The following CTNNA3 variants were observed in gnomAD, a reference collection of about 807,000 sequenced individuals.
CTNNA3 encodes the protein catenin alpha-3.
Under a neutral mutation model 95.7 loss-of-function variants are expected in CTNNA3, and 76 were observed. The ratio of observed to expected loss-of-function variants is 0.79; its 90% confidence interval spans 0.66 to 0.96. The LOEUF (loss-of-function observed/expected upper bound fraction) is 0.96. Among genes scored for constraint, CTNNA3 ranks in the 40% least tolerant of loss-of-function variants. The pLI, the probability that CTNNA3 is intolerant of heterozygous loss-of-function variation, is 0.00. For synonymous variants in CTNNA3, 431 were observed against 374.4 expected, an observed-to-expected ratio of 1.15 and a Z score of -1.74; for missense variants, 1,191 against 1,089.8, an observed-to-expected ratio of 1.09 and a Z score of -1.31.
intron 7 of CTNNA3, among the ~76,000 whole-genome samples, chr10:66,888,078 C>T (rs780021553): frequency 6.6e-6 from 1 of 152,056 alleles, no homozygotes; most frequent in Non-Finnish European, 1.5e-5. Flanking sequence ...AAAGTGGAGA[C>T]GCTTCCCAGG....
chr10:67,712,687 C>T (rs564678765), intron 1 of CTNNA3, among the ~76,000 whole-genome samples: 6 of 152,144 alleles, frequency 3.9e-5, no homozygotes, highest in African/African-American at 7.2e-5. Flanking sequence ...AATGGGGAAA[C>T]GATTCCCTAT....
intron 11 of CTNNA3, among the ~76,000 whole-genome samples, chr10:66,391,700 T>C (rs922667953): frequency 5.9e-5 from 9 of 152,150 alleles, no homozygotes; most frequent in African/African-American, 2.2e-4. Flanking sequence ...TTAACCAGTT[T>C]TGTTTCTAAA....
At chr10:66,331,342 G>GTTTTTTTT (rs60709020) in intron 12 of CTNNA3, among the ~76,000 whole-genome samples, 4 of 80,338 alleles carry the variant, frequency 5.0e-5, no homozygotes, top group Non-Finnish European at 9.5e-5. Context: ...CCCATTGTTT[G>GTTTTTTTT]TTTTTTTTTT....
chr10:67,145,338 A>G (rs115959780), intron 7 of CTNNA3, among the ~76,000 whole-genome samples: 1,599 of 152,268 alleles, frequency 0.011, 30 homozygotes, highest in African/African-American at 0.036. Context: ...CTATTCCTGA[A>G]TCAGTTAACC....
At chr10:67,455,115 G>A (rs143425007) in intron 5 of CTNNA3, among the ~76,000 whole-genome samples, 138 of 152,080 alleles carry the variant, frequency 9.1e-4, no homozygotes, top group African/African-American at 3.0e-3. Context: ...CAGATGATTC[G>A]ATTGTACTTT....
chr10:67,711,606 A>T (rs1405581262), intron 1 of CTNNA3, among the ~76,000 whole-genome samples: 2 of 148,110 alleles, frequency 1.4e-5, no homozygotes, highest in Admixed American at 1.4e-4. Context: ...ATTATACTTT[A>T]AGTTTTAGGG....
chr10:66,443,431 C>A (rs951673235), intron 11 of CTNNA3, among the ~76,000 whole-genome samples: 1 of 151,882 alleles, frequency 6.6e-6, no homozygotes, highest in Non-Finnish European at 1.5e-5. Flanking sequence ...TGACACCTCA[C>A]ACGGCCGGGT....
intron 1 of CTNNA3, among the ~76,000 whole-genome samples, chr10:67,663,893 A>G (rs1840263829): frequency 6.6e-6 from 1 of 152,218 alleles, no homozygotes; most frequent in Non-Finnish European, 1.5e-5. Context: ...CCCAGAGTCC[A>G]GAATCTTCAA....
At chr10:66,471,645 A>T (rs117795745) in intron 11 of CTNNA3, among the ~76,000 whole-genome samples, 2,301 of 152,020 alleles carry the variant, frequency 0.015, 36 homozygotes, top group East Asian at 0.067. Flanking sequence ...AATTTATTAT[A>T]ATTTAATTAA....
chr10:67,052,618 C>T (rs1855180431), intron 7 of CTNNA3: 2 of 152,078 alleles, frequency 1.3e-5, no homozygotes, highest in African/African-American at 4.8e-5. Flanking sequence ...ACTGCCCCAT[C>T]AAAGGTTCTA....
chr10:66,116,777 T>C (rs927611519), intron 13 of CTNNA3, among the ~76,000 whole-genome samples: 8 of 152,014 alleles, frequency 5.3e-5, no homozygotes, highest in African/African-American at 1.9e-4. Context: ...CTTACAATCA[T>C]GGTGGAAGGT....
intron 13 of CTNNA3, among the ~76,000 whole-genome samples, chr10:66,274,545 A>T (rs1438340492): frequency 1.3e-5 from 2 of 152,216 alleles, no homozygotes; most frequent in Admixed American, 1.3e-4. Context: ...TTGAGATATC[A>T]GCATTTTTAA....
chr10:66,165,313 G>A (rs983758152), intron 13 of CTNNA3, among the ~76,000 whole-genome samples: 1 of 152,048 alleles, frequency 6.6e-6, no homozygotes, highest in Non-Finnish European at 1.5e-5. Flanking sequence ...TGAAGGGGGT[G>A]GAGGAAGAGA....
In CTNNA3 at chr10:66,415,296, C is replaced by T. The variant is rs74644996; in HGVS notation, c.1532-35944G>A. On this transcript the variant is annotated intron_variant, in intron 11 of 17. Transcript: ENST00000433211. ...CACCACTGATGACATATGACCACTC[C>T]TCTCGGGGACCTGAGGTTAGGCCTA... Among the ~76,000 whole-genome samples the T allele has an allele frequency of 0.013, 1,993 of 151,024 alleles. 175 individuals carry two copies. In the East Asian group the frequency reaches 0.24, roughly 18 times the overall value.
intron 1 of CTNNA3, among the ~76,000 whole-genome samples, chr10:67,721,464 C>T (rs867687226): frequency 4.6e-5 from 7 of 151,934 alleles, no homozygotes; most frequent in Non-Finnish European, 8.8e-5. Flanking sequence ...TTGATACTTA[C>T]GTATGCTTCA....
At chr10:66,386,295 C>T (rs941447130) in intron 11 of CTNNA3, among the ~76,000 whole-genome samples, 1 of 152,082 alleles carries the variant, frequency 6.6e-6, no homozygotes, top group Non-Finnish European at 1.5e-5. Flanking sequence ...TTCCTATACA[C>T]CATTAACAGA....
intron 2 of CTNNA3, among the ~76,000 whole-genome samples, chr10:67,638,325 T>A (rs921369202): frequency 6.6e-6 from 1 of 152,154 alleles, no homozygotes; most frequent in East Asian, 1.9e-4. Flanking sequence ...TAAATATATA[T>A]GCACCCAATA....
At chr10:67,114,577 T>A (rs2131978082) in intron 7 of CTNNA3, among the ~76,000 whole-genome samples, 1 of 152,294 alleles carries the variant, frequency 6.6e-6, no homozygotes, top group Non-Finnish European at 1.5e-5. Flanking sequence ...TAACTGTACC[T>A]ACATAACTAC....
At chr10:67,143,598 A>G (rs1411776760) in intron 7 of CTNNA3, among the ~76,000 whole-genome samples, 1 of 152,092 alleles carries the variant, frequency 6.6e-6, no homozygotes, top group Non-Finnish European at 1.5e-5. Context: ...AACCATGTTC[A>G]CAGCATCTTC....
Sources: gnomAD v4.1 joint callset for allele counts (sites outside exome capture counted in the v4.1 genomes callset) on GRCh38, gnomAD v4.1.1 for gene constraint, MANE v1.5 for transcripts, NCBI Gene and HGNC (gene_info 2026-07-23, HGNC 2026-07-21) for gene names.